Variants in SRRM2 observed in about 807,000 individuals in gnomAD.
SRRM2 encodes serine/arginine repetitive matrix 2, also known as serine/arginine repetitive matrix protein 2.
SRRM2 carries 30 observed loss-of-function variants against 213.8 expected under a neutral mutation model. That is an observed-to-expected ratio of 0.14 (90% CI 0.10 to 0.19). The LOEUF is 0.19. Among genes scored for constraint, SRRM2 ranks in the 10% least tolerant of loss-of-function variants. The pLI is 1.00. For synonymous variants in SRRM2, 2,025 were observed against 1,377.7 expected (o/e 1.47, Z -10.40); for missense variants, 4,904 against 3,647.0 (o/e 1.34, Z -8.88).
Position 2,768,242 on chromosome 16 carries a change from C to G in SRRM2, c.7714C>G (p.Pro2572Ala), listed in dbSNP as rs1452166545. The G allele has an allele frequency of 1.9e-6, 3 of 1,559,964 alleles. No homozygotes were observed. ...AGAGGGCTCTAGCCTTCCTGTGCAA[C>G]CTGAGGTGGCACTGAAGAGGTGAGG... ...DSEGSSLPVQPEVALKRVPSP... is the reference protein window; with the variant it reads ...DSEGSSLPVQAEVALKRVPSP... The change falls in exon 11 of 15, where the codon CCT (proline) becomes GCT (alanine). Residue 2572 changes from proline to alanine, a missense_variant. By Grantham distance (27) the Pro-to-Ala change is conservative (BLOSUM62 -1). Coordinates refer to ENST00000301740, the MANE Select transcript of SRRM2 (RefSeq NM_016333.4).
chr16:2,761,553 A>G lies in SRRM2; in HGVS notation c.1033-8A>G, dbSNP rs2068348960. 6.7e-7 allele frequency: 1 copy of G among 1,493,158 alleles called. No individual in the cohort carries two copies. Among genetic ancestry groups the G allele is most frequent in the Non-Finnish European group, 8.9e-7 (1 of 1,122,310 alleles). The allele number at this position is 1,493,158 out of a possible 1,614,324, so 92.5% of individuals were successfully genotyped here. Reference sequence around the variant, plus strand: ...AATCCCTATCCCTGCTCTCTCTTCCACTCTTAGAAATCTGCAACTCGACCT... The same window carrying G: ...AATCCCTATCCCTGCTCTCTCTTCCGCTCTTAGAAATCTGCAACTCGACCT... On this transcript the variant is annotated splice_polypyrimidine_tract_variant and splice_region_variant and intron_variant, in intron 10 of 14. Transcript: ENST00000301740.
chr16:2,770,764 G>GT (rs762876447), intron 14 of SRRM2, 47 bp downstream of exon 14: 31 of 1,600,534 alleles, frequency 1.9e-5, no homozygotes, highest in Non-Finnish European at 2.6e-5. Flanking sequence ...GCCAGTTGTG[G>GT]TGGTGGGTGG....
chr16:2,757,758 A>T, intron 3 of SRRM2, 23 bp from the exon 4 acceptor site: 1 of 1,610,972 alleles, frequency 6.2e-7, no homozygotes, highest in Non-Finnish European at 8.5e-7. Context: ...TTTCCTTCAG[A>T]CTTTTGCCCT....
At chr16:2,753,459 C>G (rs193288973) in intron 1 of SRRM2, 1 of 151,942 alleles carries the variant, frequency 6.6e-6, no homozygotes, top group Admixed American at 6.6e-5. Context: ...TTGTTAGTGG[C>G]GGGGAGAAAC....
rs938326612 is a variant in SRRM2 at position 2,759,254 on chromosome 16, G to C, written c.689+82G>C. On this transcript the variant is annotated intron_variant, in intron 7 of 14. Transcript: ENST00000301740. The stretch of plus-strand genomic sequence containing the variant: ...TTCTTGGAGTGAAGCTCAATTCCTT[G>C]ATCTTCCTTGTGTCAACACTCCCTC... 51 of 1,603,318 alleles carry C rather than the reference G, an allele frequency of 3.2e-5. No homozygotes were observed. In the African/African-American group the frequency reaches 5.8e-4, roughly 18 times the overall value.
At chr16:2,769,743 T>A in intron 12 of SRRM2, 1 of 469,172 alleles carries the variant, frequency 2.1e-6, no homozygotes, top group Non-Finnish European at 4.2e-6. Context: ...CGGGACGCCC[T>A]GTGGCCTGCA....
chr16:2,766,557 C>A lies in SRRM2; in HGVS notation c.6029C>A (p.Thr2010Asn). 6.2e-7 allele frequency: 1 copy of A among 1,613,770 alleles called. No homozygotes were observed. ...PVTRRRSRSR[T>N]SPVTRRRSRS... is the part of the protein sequence containing the mutation. ...ACTCGAAGAAGGTCCCGCTCTCGAA[C>A]CTCACCAGTGACACGCCGCCGCTCT... is the stretch of plus-strand genomic sequence containing the variant. The change falls in exon 11 of 15, where the codon ACC becomes AAC. Residue 2010 changes from threonine (T) to asparagine (N), a missense_variant. Coordinates refer to ENST00000301740, the MANE Select transcript of SRRM2 (RefSeq NM_016333.4). This position sits in a 1 kb window ranked among gnomAD's most constrained non-coding sequence, Gnocchi z 7.0.
rs370539590 is a variant in SRRM2, at chr16:2,770,721, C to T, written c.8249+4C>T. ...CCATGAGACACCGCTCCTCCAGGTG[C>T]GTGTCCTGGAAGGCTGATGCCCCCT... On this transcript the variant is annotated splice_donor_region_variant and intron_variant, in intron 14 of 14. Coordinates refer to ENST00000301740, the MANE Select transcript of SRRM2 (RefSeq NM_016333.4). The T allele has an allele frequency of 1.5e-5, 23 of 1,569,572 alleles. No individual in the cohort carries two copies. Among genetic ancestry groups the T allele is most frequent in the Middle Eastern group, 3.3e-4 (2 of 6,030 alleles).
chr16:2,757,614 T>A, intron 3 of SRRM2, 35 bp downstream of exon 3: 2 of 1,595,688 alleles, frequency 1.3e-6, no homozygotes, highest in Non-Finnish European at 1.7e-6. Flanking sequence ...GACTCTGGAC[T>A]CTACTCTGGC....
In SRRM2 at chr16:2,764,824, C is replaced by T. The variant is rs1224485352; in HGVS notation, c.4296C>T (p.Pro1432=). Residue 1432 remains proline, a synonymous_variant, in exon 11 of 15, where the codon CCC becomes CCT. Coordinates refer to ENST00000301740, the MANE Select transcript of SRRM2 (RefSeq NM_016333.4). ...ASSPEMKDGL[P]RTPSRRSRSG... is the part of the protein sequence containing the mutation. Reference sequence around the variant, plus strand: ...CTCCTGAAATGAAAGATGGTTTACCCAGAACTCCATCAAGGAGAAGCAGGT... The same window carrying T: ...CTCCTGAAATGAAAGATGGTTTACCTAGAACTCCATCAAGGAGAAGCAGGT... The T allele has an allele frequency of 1.2e-6, 2 of 1,614,030 alleles. No individual in the cohort carries two copies. The highest frequency in any genetic ancestry group is 1.7e-6 in the Non-Finnish European group (2 of 1,180,032).
Position 2,765,528 on chromosome 16 carries a change from C to T in SRRM2, c.5000C>T (p.Thr1667Ile). Residue 1667 changes from threonine (T) to isoleucine (I), a missense_variant, in exon 11 of 15, where the codon ACT (threonine) becomes ATT (isoleucine). Coordinates refer to ENST00000301740, the MANE Select transcript of SRRM2 (RefSeq NM_016333.4). Reference protein sequence around the residue: ...SSPEHPPKSRTARRGSRSSPE... With the variant: ...SSPEHPPKSRIARRGSRSSPE... ...CCTGAACATCCGCCCAAATCCAGAA[C>T]TGCTCGCAGAGGTTCCAGGTCATCA... 6.2e-7 allele frequency: 1 copy of T among 1,614,218 alleles called. No homozygotes were observed. Among genetic ancestry groups the T allele is most frequent in the South Asian group, 1.1e-5 (1 of 91,082 alleles).
chr16:2,753,187 TTTC>T (rs1171963905), intron 1 of SRRM2, among the ~76,000 whole-genome samples: 1 of 150,454 alleles, frequency 6.6e-6, no homozygotes, highest in East Asian at 2.0e-4. Context: ...CAGCTGCCGT[TTTC>T]GGCCCTTAAG....
rs1156301886 is a variant in SRRM2, at chr16:2,760,332, A to G, written c.865A>G (p.Thr289Ala). 3 of 1,613,840 alleles carry G rather than the reference A, an allele frequency of 1.9e-6. No homozygotes were observed. Among genetic ancestry groups the G allele is most frequent in the Admixed American group, 1.7e-5 (1 of 59,994 alleles). ...AAGTGCTGCAGCTAAAACTCATACA[A>G]CTGCCTTGGCTGGGCGAAGTCCTTC... is the stretch of plus-strand genomic sequence containing the variant. ...SRSAAAKTHTTALAGRSPSPA... is the reference protein window; with the variant it reads ...SRSAAAKTHTAALAGRSPSPA... The change falls in exon 10 of 15, where the codon ACT (threonine) becomes GCT (alanine). Residue 289 changes from threonine to alanine, a missense_variant. Physicochemically the swap from Thr to Ala is moderately conservative, Grantham distance 58. Coordinates refer to ENST00000301740, the MANE Select transcript of SRRM2 (RefSeq NM_016333.4).
chr16:2,759,302 A>G (rs764515417), intron 7 of SRRM2, 50 bp from the exon 8 acceptor site: 1 of 1,609,662 alleles, frequency 6.2e-7, no homozygotes, highest in Admixed American at 1.7e-5. Context: ...TTTTGGTTTT[A>G]TTTCCTTTTT....
At position 2,771,286 on chromosome 16, in the gene SRRM2, A is replaced by G. The variant is rs2068738970; in HGVS notation, c.*419A>G. 1.1e-6 allele frequency: 1 copy of G among 901,600 alleles called. No individual in the cohort carries two copies. The highest frequency in any genetic ancestry group is 1.8e-6 in the Non-Finnish European group (1 of 557,694). 55.9% of individuals were successfully genotyped at this position (901,600 alleles called of 1,614,324 possible). ...CAGGAGTTGGAATTAGTTGGTCCCT[A>G]CTGTCCCCCATGAGGTTGTGAACCC... On this transcript the variant is annotated 3_prime_UTR_variant, in exon 15 of 15. Transcript: ENST00000301740.
Position 2,765,898 on chromosome 16 carries a change from G to A in SRRM2, c.5370G>A (p.Arg1790=), listed in dbSNP as rs558555560. 6.2e-7 allele frequency: 1 copy of A among 1,614,158 alleles called. No individual in the cohort carries two copies. The highest frequency in any genetic ancestry group is 1.3e-5 in the African/African-American group (1 of 75,022). The change falls in exon 11 of 15, where the codon AGG becomes AGA. Residue 1790 remains arginine (R), a synonymous_variant. Coordinates refer to ENST00000301740, the MANE Select transcript of SRRM2 (RefSeq NM_016333.4). The part of the protein sequence containing the change: ...EKTRTTRRRD[R]SGSSQSTSRR... Reference sequence around the variant, plus strand: ...CAAGAACAACCCGACGTCGAGATAGGTCTGGATCTTCTCAGTCAACCTCTC... The same window carrying A: ...CAAGAACAACCCGACGTCGAGATAGATCTGGATCTTCTCAGTCAACCTCTC...
Position 2,767,599 on chromosome 16 carries a change from C to G in SRRM2, c.7071C>G (p.Thr2357=), listed in dbSNP as rs768782629. ...CTGTGAATATTGCCGGCTCCAGAAC[C>G]GCCGCAGCCTTGGCCCCCGCGAGCC... ...TAPVNIAGSR[T]AAALAPASLT... The change falls in exon 11 of 15, where the codon ACC becomes ACG. Residue 2357 remains threonine (T), a synonymous_variant. Coordinates refer to ENST00000301740, the MANE Select transcript of SRRM2 (RefSeq NM_016333.4). 6.2e-7 allele frequency: 1 copy of G among 1,614,194 alleles called. No individual in the cohort carries two copies. The highest frequency in any genetic ancestry group is 1.3e-5 in the African/African-American group (1 of 75,054).
At position 2,767,757 on chromosome 16, in the gene SRRM2, C is replaced by T. The variant is rs772395013; in HGVS notation, c.7229C>T (p.Pro2410Leu). ...CTTGACCGAGCTAGGTCCAGAACAC[C>T]ACCGTCTGCCCCAAGCCAATCTAGG... is the stretch of plus-strand genomic sequence containing the variant. ...PLLDRARSRT[P>L]PSAPSQSRMT... Residue 2410 changes from proline (P) to leucine (L), a missense_variant, in exon 11 of 15, where the codon CCA becomes CTA. Coordinates refer to ENST00000301740, the MANE Select transcript of SRRM2 (RefSeq NM_016333.4). 10 of 1,613,784 alleles carry T rather than the reference C, an allele frequency of 6.2e-6. No individual in the cohort carries two copies. Among genetic ancestry groups the T allele is most frequent in the Non-Finnish European group, 1.7e-6 (2 of 1,179,964 alleles).
At chr16:2,753,367 G>C (rs931598779) in intron 1 of SRRM2, 1 of 152,216 alleles carries the variant, frequency 6.6e-6, no homozygotes, top group East Asian at 1.9e-4. Flanking sequence ...GCCGAAAATA[G>C]GCCCCCGGCG....
Sources: gnomAD v4.1 joint callset for allele counts (sites outside exome capture counted in the v4.1 genomes callset) on GRCh38, gnomAD v4.1.1 for gene constraint, Gnocchi (gnomAD v3.1) non-coding constraint, MANE v1.5 for transcripts, NCBI Gene and HGNC (gene_info 2026-07-23, HGNC 2026-07-21) for gene names.